The following CACNA1D variants were observed in gnomAD, a reference collection of about 807,000 sequenced individuals.
CACNA1D encodes calcium voltage-gated channel subunit alpha1 D, also known as voltage-dependent L-type calcium channel subunit alpha-1D.
Under a neutral mutation model 257.1 loss-of-function variants are expected in CACNA1D, and 55 were observed. That is an observed-to-expected ratio of 0.21 (90% CI 0.17 to 0.27). The LOEUF (loss-of-function observed/expected upper bound fraction) is 0.27, where lower values mean the gene tolerates loss of function less well. CACNA1D is among the 10% of genes least tolerant of loss of function. CACNA1D has a pLI of 1.00. For synonymous variants in CACNA1D, 980 were observed against 1,014.9 expected (o/e 0.97, Z 0.65); for missense variants, 1,876 against 2,784.0 (o/e 0.67, Z 7.34).
At position 53,505,115 on chromosome 3, in the gene CACNA1D, G is replaced by GTTTTTTTT. The variant is rs35938386; in HGVS notation, c.483+3409_483+3416dup. On this transcript the variant is annotated intron_variant, in intron 3 of 47. Transcript: ENST00000350061. ...CCAGGTGCTTTTTATTTGTTTATTT[G>GTTTTTTTT]TTTTTTTTTTTTTTTTTTTTTGAGG... Among the ~76,000 whole-genome samples the GTTTTTTTT allele has an allele frequency of 2.2e-3, 210 of 97,544 alleles. 1 individual carries two copies. The highest frequency in any genetic ancestry group is 2.4e-3 in the Non-Finnish European group (127 of 52,078). The allele number at this position is 97,544 out of a possible 152,430, so 64.0% of individuals were successfully genotyped here. A position where few individuals can be genotyped will look rare whatever the true frequency, so the allele number is the denominator to read the frequency against.
intron 3 of CACNA1D, among the ~76,000 whole-genome samples, chr3:53,538,066 C>T (rs1451707242): frequency 2.7e-5 from 4 of 148,052 alleles, no homozygotes; most frequent in Non-Finnish European, 5.9e-5. Flanking sequence ...ATGCTGGATA[C>T]TCTTAGTTCT....
intron 16 of CACNA1D, 98 bp downstream of exon 16, chr3:53,730,654 G>A (rs2094981699): frequency 2.2e-6 from 2 of 902,892 alleles, no homozygotes; most frequent in Admixed American, 2.0e-5. Flanking sequence ...CACGGCAGCT[G>A]CAGCCCCCGG....
At chr3:53,796,327 C>T (rs2106712384) in intron 40 of CACNA1D, 1 of 456,010 alleles carries the variant, frequency 2.2e-6, no homozygotes, top group East Asian at 6.9e-5. Flanking sequence ...AAGCCTGGCG[C>T]TTGTATCCTG....
intron 8 of CACNA1D, chr3:53,679,154 C>T (rs1010907583): frequency 3.3e-5 from 5 of 151,054 alleles, no homozygotes; most frequent in Non-Finnish European, 5.9e-5. Context: ...CCTGTAATCC[C>T]AGCTACTTGG....
chr3:53,661,261 G>C (rs1472684468), intron 5 of CACNA1D, among the ~76,000 whole-genome samples: 2 of 152,000 alleles, frequency 1.3e-5, no homozygotes, highest in African/African-American at 4.8e-5. Flanking sequence ...CACATTTTTT[G>C]CCTCTCCAGA....
At chr3:53,667,878 A>G (rs1303819683) in intron 7 of CACNA1D, among the ~76,000 whole-genome samples, 2 of 151,838 alleles carry the variant, frequency 1.3e-5, no homozygotes, top group Non-Finnish European at 2.9e-5. Flanking sequence ...TGTTATTTAT[A>G]TTCATAAAAC....
chr3:53,513,274 T>TA (rs1254823037), intron 3 of CACNA1D, among the ~76,000 whole-genome samples: 5 of 152,216 alleles, frequency 3.3e-5, no homozygotes, highest in African/African-American at 1.2e-4. Flanking sequence ...ATAATGGAGC[T>TA]AAAAAATTCT....
intron 4 of CACNA1D, among the ~76,000 whole-genome samples, chr3:53,654,003 C>T (rs1218823445): frequency 6.6e-6 from 1 of 152,164 alleles, no homozygotes; most frequent in East Asian, 1.9e-4. Flanking sequence ...AATAGAGAGA[C>T]ATCTTTAAAG....
At chr3:53,714,505 G>A (rs1484447700) in intron 9 of CACNA1D, among the ~76,000 whole-genome samples, 1 of 152,170 alleles carries the variant, frequency 6.6e-6, no homozygotes, top group Non-Finnish European at 1.5e-5. Context: ...CCTGATTTTT[G>A]TGCTGTCGTC....
intron 9 of CACNA1D, among the ~76,000 whole-genome samples, chr3:53,713,494 C>CTGTGTGTGTGTGTG (rs1292006074): frequency 9.0e-6 from 1 of 110,658 alleles, no homozygotes; most frequent in Non-Finnish European, 1.8e-5. Context: ...CTCATTTGCT[C>CTGTGTGTGTGTGTG]TGTGTGTATG....
At chr3:53,705,684 AC>A (rs1410502449) in intron 9 of CACNA1D, among the ~76,000 whole-genome samples, 1 of 152,278 alleles carries the variant, frequency 6.6e-6, no homozygotes, top group African/African-American at 2.4e-5. Flanking sequence ...TTAAATAAAG[AC>A]AGAAATCTTG....
chr3:53,673,178 A>G lies in CACNA1D; in HGVS notation c.1220+52A>G, dbSNP rs2094342268. 8.0e-7 allele frequency: 1 copy of G among 1,251,340 alleles called. No individual in the cohort carries two copies. Among genetic ancestry groups the G allele is most frequent in the Middle Eastern group, 1.9e-4 (1 of 5,376 alleles). 77.5% of individuals were successfully genotyped at this position (1,251,340 alleles called of 1,614,324 possible). A position where few individuals can be genotyped will look rare whatever the true frequency, so the allele number is the denominator to read the frequency against. On this transcript the variant is annotated intron_variant, in intron 8 of 47. Coordinates refer to ENST00000350061, the MANE Select transcript of CACNA1D (RefSeq NM_001128840.3). This position sits in a 1 kb window ranked among gnomAD's most constrained non-coding sequence, Gnocchi z 4.1. ...AGCAGAGTCCTGAGGACAGTTGCCA[A>G]GACCACACAAGCTTTGCTGGATGAG... is the stretch of plus-strand genomic sequence containing the variant.
At chr3:53,761,440 G>T (rs2095301563) in intron 29 of CACNA1D, among the ~76,000 whole-genome samples, 1 of 152,228 alleles carries the variant, frequency 6.6e-6, no homozygotes, top group Non-Finnish European at 1.5e-5. Flanking sequence ...CGTCTACACT[G>T]AGAGTTCTTT....
chr3:53,770,382 C>T (rs1377583955), intron 31 of CACNA1D, 42 bp from the exon 32 acceptor site: 1 of 1,600,764 alleles, frequency 6.2e-7, no homozygotes, highest in Admixed American at 1.7e-5. Context: ...GTTGCATGTT[C>T]TACTTTCCAT....
rs370015291 is a variant in CACNA1D, at chr3:53,692,742, C to T, written c.1221-9899C>T. 1.5e-4 allele frequency among the ~76,000 whole-genome samples: 23 copies of T among 152,258 alleles called. No individual in the cohort carries two copies. The East Asian group carries it at 4.3e-3, about 28-fold the overall frequency. On this transcript the variant is annotated intron_variant, in intron 8 of 47. Coordinates refer to ENST00000350061, the MANE Select transcript of CACNA1D (RefSeq NM_001128840.3). The stretch of plus-strand genomic sequence containing the variant: ...TGAAAACTGTTTTAAACATCATCAC[C>T]GTCTTTTATGTCAATGAAAGCATCA...
intron 4 of CACNA1D, among the ~76,000 whole-genome samples, chr3:53,651,509 G>A (rs2108277958): frequency 6.6e-6 from 1 of 151,954 alleles, no homozygotes; most frequent in African/African-American, 2.4e-5. Context: ...AGAGAAGCAG[G>A]TGTTCCACCA....
chr3:53,750,648 T>C (rs749581639), intron 27 of CACNA1D, among the ~76,000 whole-genome samples: 1 of 151,784 alleles, frequency 6.6e-6, no homozygotes, highest in Non-Finnish European at 1.5e-5. Context: ...GGAAGAGGAG[T>C]GTCAGAGCAA....
chr3:53,624,624 A>T (rs2093735660), intron 3 of CACNA1D, among the ~76,000 whole-genome samples: 1 of 152,224 alleles, frequency 6.6e-6, no homozygotes, highest in African/African-American at 2.4e-5. Flanking sequence ...TCACTTGGGA[A>T]GTGCTCCAAC....
chr3:53,618,467 G>A (rs1013076771), intron 3 of CACNA1D, among the ~76,000 whole-genome samples: 5 of 152,130 alleles, frequency 3.3e-5, no homozygotes, highest in African/African-American at 9.7e-5. Context: ...CACAGCTCGC[G>A]GTCTGTCCAC....
Sources: gnomAD v4.1 joint callset for allele counts (sites outside exome capture counted in the v4.1 genomes callset) on GRCh38, gnomAD v4.1.1 for gene constraint, Gnocchi (gnomAD v3.1) non-coding constraint, MANE v1.5 for transcripts, NCBI Gene and HGNC (gene_info 2026-07-23, HGNC 2026-07-21) for gene names.